The following FGD6 variants were observed in gnomAD, a reference collection of about 807,000 sequenced individuals.
The protein encoded by FGD6 is FYVE, RhoGEF and PH domain containing 6, also known as FYVE, RhoGEF and PH domain-containing protein 6.
FGD6 carries 90 observed loss-of-function variants against 149.4 expected under a neutral mutation model. The ratio of observed to expected loss-of-function variants is 0.60; its 90% CI spans 0.51 to 0.72. The LOEUF (loss-of-function observed/expected upper bound fraction) is 0.72. FGD6 is among the 30% of genes least tolerant of loss of function. The probability of loss-of-function intolerance (pLI) is 0.00; values close to 1 mark genes in which losing one functional copy is unlikely to be tolerated. For missense variants in FGD6, 1,437 were observed against 1,684.8 expected (o/e 0.85, Z 2.57); for synonymous variants, 527 against 584.0 (o/e 0.90, Z 1.41).
chr12:95,173,598 G>A (rs1881053051), intron 2 of FGD6, among the ~76,000 whole-genome samples: 1 of 152,124 alleles, frequency 6.6e-6, no homozygotes. Context: ...AATTCCATAG[G>A]AAAGTTCCCT....
intron 9 of FGD6, among the ~76,000 whole-genome samples, chr12:95,113,417 G>C (rs1035986769): frequency 6.6e-6 from 1 of 151,684 alleles, no homozygotes; most frequent in Non-Finnish European, 1.5e-5. Flanking sequence ...ATTTTTTTTA[G>C]TAGAGAAGGG....
At position 95,094,464 on chromosome 12, in the gene FGD6, G is replaced by A; in HGVS notation, c.3600+128C>T. The A allele has an allele frequency of 6.3e-6, 4 of 632,764 alleles. No individual in the cohort carries two copies. In the East Asian group the frequency reaches 8.0e-5, roughly 13 times the overall value. 39.2% of individuals were successfully genotyped at this position (632,764 alleles called of 1,614,324 possible). On this transcript the variant is annotated intron_variant, in intron 15 of 20. Transcript: ENST00000343958. ...CGCTGAAATGAGACATTAATCTGTA[G>A]AGTAACTCTCTGATGTCCAGTCCAA...
At chr12:95,190,046 G>C (rs549367693) in intron 2 of FGD6, among the ~76,000 whole-genome samples, 3 of 151,312 alleles carry the variant, frequency 2.0e-5, no homozygotes, top group Admixed American at 6.6e-5. Context: ...AATACATTGA[G>C]AAAAGATGTA....
chr12:95,179,123 T>C (rs1592865331), intron 2 of FGD6, among the ~76,000 whole-genome samples: 1 of 152,174 alleles, frequency 6.6e-6, no homozygotes, highest in East Asian at 1.9e-4. Context: ...AGAAGCAACC[T>C]CCACCTTTGC....
chr12:95,111,645 T>G (rs534509031), intron 9 of FGD6, among the ~76,000 whole-genome samples: 6 of 152,284 alleles, frequency 3.9e-5, no homozygotes, highest in Non-Finnish European at 8.8e-5. Context: ...CTTTTCTCTG[T>G]CATCCAAATA....
At chr12:95,208,237 G>A (rs1018250809) in intron 2 of FGD6, among the ~76,000 whole-genome samples, 4 of 151,922 alleles carry the variant, frequency 2.6e-5, no homozygotes, top group Non-Finnish European at 5.9e-5. Context: ...GGGTGACAGA[G>A]TAAGACCTCA....
chr12:95,086,323 T>C (rs1274615436), intron 18 of FGD6, among the ~76,000 whole-genome samples: 1 of 152,068 alleles, frequency 6.6e-6, no homozygotes, highest in Non-Finnish European at 1.5e-5. Flanking sequence ...TTTAATTCTG[T>C]TCCTAAAAAA....
In FGD6 at chr12:95,085,801, T is replaced by G. The variant is rs1489203629; in HGVS notation, c.4086A>C (p.Leu1362=). The part of the protein sequence containing the change: ...HFWFVIKNKV[L]YTYAASEDVA... ...TTACCTCACTTGCAGCATATGTATA[T>G]AGTACTTTATTTTTTATGACAAACC... Residue 1362 remains leucine, a synonymous_variant, in exon 19 of 21, where the codon CTA becomes CTC. Transcript: ENST00000343958. 1.9e-6 allele frequency: 3 copies of G among 1,613,774 alleles called. No individual in the cohort carries two copies. In the African/African-American group the frequency reaches 4.0e-5, roughly 22 times the overall value.
Position 95,209,162 on chromosome 12 carries a change from G to A in FGD6, c.2122C>T (p.Arg708Trp), listed in dbSNP as rs747265949. The change falls in exon 2 of 21, where the codon CGG becomes TGG. Residue 708 changes from arginine to tryptophan, a missense_variant. By Grantham distance (101) the Arg-to-Trp change is moderately radical (BLOSUM62 -3). Around this residue, in one of 2 missense-constraint regions of FGD6, gnomAD observed 1,055 missense variants for 1,146.0 expected, o/e 0.92. Transcript: ENST00000343958. ...CCATTAGCTGCACTGGTCTGGCCCC[G>A]AGACTTCTTCCTCTTCTTTTGAGAT... ...LESQKKRKKSRGQTSAANGLR... is the reference protein window; with the variant it reads ...LESQKKRKKSWGQTSAANGLR... 6.1e-5 allele frequency: 99 copies of A among 1,614,064 alleles called. No individual in the cohort carries two copies. The Admixed American group carries it at 9.5e-4, about 15-fold the overall frequency.
In FGD6 at chr12:95,210,211, AT is replaced by A. The variant is rs1294673349; in HGVS notation, c.1072del (p.Ile358SerfsTer21). The A allele has an allele frequency of 6.2e-7, 1 of 1,613,878 alleles. No homozygotes were observed. The highest frequency in any genetic ancestry group is 8.5e-7 in the Non-Finnish European group (1 of 1,180,018). On this transcript the variant is annotated frameshift_variant, in exon 2 of 21. Transcript: ENST00000343958. LOFTEE classifies it high-confidence loss of function. ...CTGATGCAGAACACTGATTTTATTG[AT>A]TTTCAAACTATTTTCAGTAAGACAG... The part of the protein sequence containing the change: ...SSCLTENSLK[I>X]NKISVLHQNV...
At chr12:95,212,361 T>C (rs2056732173) in intron 1 of FGD6, among the ~76,000 whole-genome samples, 1 of 152,218 alleles carries the variant, frequency 6.6e-6, no homozygotes, top group Admixed American at 6.5e-5. Flanking sequence ...CAATTCTTCC[T>C]AAACATTATA....
chr12:95,164,048 C>A (rs1880721936), intron 3 of FGD6, among the ~76,000 whole-genome samples: 1 of 152,174 alleles, frequency 6.6e-6, no homozygotes, highest in Non-Finnish European at 1.5e-5. Flanking sequence ...CAAAGCAGTT[C>A]CCTGTTAAAT....
At chr12:95,092,553 CAT>C (rs1491000993) in intron 16 of FGD6, 144 bp downstream of exon 16, 6 of 851,854 alleles carry the variant, frequency 7.0e-6, no homozygotes, top group Admixed American at 3.6e-5. Flanking sequence ...AAACACCATT[CAT>C]GTTTGCTACC....
chr12:95,184,645 G>A (rs920881745), intron 2 of FGD6, among the ~76,000 whole-genome samples: 6 of 150,234 alleles, frequency 4.0e-5, no homozygotes, highest in Non-Finnish European at 5.9e-5. Flanking sequence ...AGTGGTGCGC[G>A]ATCTTGGCTC....
At chr12:95,126,253 G>A in intron 8 of FGD6, 1 of 1,308,268 alleles carries the variant, frequency 7.6e-7, no homozygotes, top group Non-Finnish European at 1.1e-6. Context: ...ACCGCTGTGG[G>A]CAAGAAGGCT....
intron 2 of FGD6, among the ~76,000 whole-genome samples, chr12:95,202,390 A>AAAAATAAAATGAAAT (rs2056668379): frequency 7.1e-6 from 1 of 141,708 alleles, no homozygotes; most frequent in Non-Finnish European, 1.5e-5. Context: ...CCATTTCCCA[A>AAAAATAAAATGAAAT]AAAATAAAAT....
At chr12:95,091,832 T>C in intron 16 of FGD6, 23 bp from the exon 17 acceptor site, 1 of 1,492,794 alleles carries the variant, frequency 6.7e-7, no homozygotes, top group Non-Finnish European at 9.3e-7. Context: ...TGGAATTATG[T>C]CATTAATTTC....
chr12:95,123,809 G>A lies in FGD6; in HGVS notation c.3083-10108C>T, dbSNP rs140718238. 8.9e-3 allele frequency among the ~76,000 whole-genome samples: 1,352 copies of A among 152,132 alleles called. 20 individuals are homozygous for A. The highest frequency in any genetic ancestry group is 0.031 in the African/African-American group (1,278 of 41,516). On this transcript the variant is annotated intron_variant, in intron 8 of 20. Coordinates refer to ENST00000343958, the MANE Select transcript of FGD6 (RefSeq NM_018351.4). ...GATCTCCTGACCTTGTGATCCACCCGCCTCGGCCTCCCAAAGTGCTGGGAT... is the reference window on the plus strand; with the variant it reads ...GATCTCCTGACCTTGTGATCCACCCACCTCGGCCTCCCAAAGTGCTGGGAT...
At chr12:95,097,634 C>CAAAAAAAAA (rs34057454) in intron 14 of FGD6, among the ~76,000 whole-genome samples, 2 of 43,392 alleles carry the variant, frequency 4.6e-5, no homozygotes, top group African/African-American at 9.9e-5. Context: ...GACTCTGTCT[C>CAAAAAAAAA]AAAAAAAAAA....
Sources: gnomAD v4.1 joint callset for allele counts (sites outside exome capture counted in the v4.1 genomes callset) on GRCh38, gnomAD v4.1.1 for gene constraint, gnomAD v4.1.1 regional missense constraint, MANE v1.5 for transcripts, NCBI Gene and HGNC (gene_info 2026-07-23, HGNC 2026-07-21) for gene names.